The following MSI2 variants were observed in gnomAD, a reference collection of about 807,000 sequenced individuals.
MSI2 encodes the protein musashi RNA binding protein 2, also known as RNA-binding protein Musashi homolog 2.
In MSI2, 17 loss-of-function variants were observed where a neutral mutation model predicts 45.6. The observed-to-expected ratio is 0.37, with a 90% CI of 0.26 to 0.56. The LOEUF (loss-of-function observed/expected upper bound fraction) is 0.56. Among genes scored for constraint, MSI2 ranks in the 20% least tolerant of loss-of-function variants. The pLI is 0.77. For missense variants in MSI2, 293 were observed against 444.2 expected (o/e 0.66, Z 3.06); for synonymous variants, 156 against 158.2 (o/e 0.99, Z 0.11).
chr17:57,302,915 T>C lies in MSI2; in HGVS notation c.312+40723T>C, dbSNP rs115239918. ...GTTGGGGGACAGCCCCAGGCAAACA[T>C]CAACACCTAAGATAGAAACCCCAAG... On this transcript the variant is annotated intron_variant, in intron 5 of 13. Coordinates refer to ENST00000284073, the MANE Select transcript of MSI2 (RefSeq NM_138962.4). 3.8e-3 allele frequency among the ~76,000 whole-genome samples: 584 copies of C among 152,036 alleles called. 2 individuals are homozygous for C. The highest frequency in any genetic ancestry group is 0.014 in the African/African-American group (568 of 41,454).
intron 5 of MSI2, among the ~76,000 whole-genome samples, chr17:57,282,877 G>A (rs1909551209): frequency 7.6e-6 from 1 of 131,092 alleles, no homozygotes. Flanking sequence ...GAAGAGACTT[G>A]CCGTCAGGGC....
chr17:57,386,116 T>G (rs752786091), intron 5 of MSI2, among the ~76,000 whole-genome samples: 19 of 152,286 alleles, frequency 1.2e-4, no homozygotes, highest in Non-Finnish European at 1.8e-4. Context: ...CCAATGGTCT[T>G]TTTTAGATAT....
At chr17:57,617,890 G>A (rs1242748864) in intron 9 of MSI2, among the ~76,000 whole-genome samples, 3 of 152,094 alleles carry the variant, frequency 2.0e-5, no homozygotes, top group Non-Finnish European at 1.5e-5. Context: ...GGGCAACATG[G>A]TGAAACCCTG....
intron 7 of MSI2, among the ~76,000 whole-genome samples, chr17:57,554,238 A>AG (rs55697922): frequency 0.012 from 1,023 of 88,414 alleles, 4 homozygotes; most frequent in Middle Eastern, 0.017. Context: ...GGGGCGGGGG[A>AG]GGGGGGGGAT....
chr17:57,673,151 G>A (rs182853312), intron 11 of MSI2, among the ~76,000 whole-genome samples: 9 of 152,318 alleles, frequency 5.9e-5, no homozygotes, highest in South Asian at 2.1e-4. Flanking sequence ...TTGGTCTCCC[G>A]TGTATCTTTG....
chr17:57,616,295 G>A, intron 9 of MSI2: 2 of 459,844 alleles, frequency 4.3e-6, no homozygotes, highest in East Asian at 6.9e-5. Flanking sequence ...GTGTGTGTGT[G>A]TGTGTGTGTT....
At chr17:57,578,901 T>C (rs1175904425) in intron 7 of MSI2, among the ~76,000 whole-genome samples, 3 of 152,124 alleles carry the variant, frequency 2.0e-5, no homozygotes, top group Non-Finnish European at 4.4e-5. Context: ...CCAGGTACAT[T>C]TTTCCCATTG....
intron 8 of MSI2, among the ~76,000 whole-genome samples, chr17:57,604,241 G>A (rs72834922): frequency 0.12 from 18,193 of 152,232 alleles, 1,179 homozygotes; most frequent in South Asian, 0.16. Flanking sequence ...CTTAAGACTT[G>A]TAAGGGGTTT....
chr17:57,674,972 G>T lies in MSI2; in HGVS notation c.791G>T (p.Gly264Val). ...TTTGGCGCGCCCGCTTCCCCGGCAG[G>T]CTCCAACCCGGCGCGGCCCGGAGGC... ...AAAVAAARGS[G>V]SNPARPGGFP... Residue 264 changes from glycine (G) to valine (V), a missense_variant and splice_region_variant, in exon 12 of 14, where the codon GGC (glycine) becomes GTC (valine). Physicochemically the swap from Gly to Val is moderately radical, Grantham distance 109. Transcript: ENST00000284073. The T allele has an allele frequency of 1.9e-6, 3 of 1,613,156 alleles. No individual in the cohort carries two copies. Among genetic ancestry groups the T allele is most frequent in the Non-Finnish European group, 2.5e-6 (3 of 1,179,656 alleles).
chr17:57,584,405 C>T (rs2144384489), intron 7 of MSI2, among the ~76,000 whole-genome samples: 1 of 152,310 alleles, frequency 6.6e-6, no homozygotes, highest in Non-Finnish European at 1.5e-5. Flanking sequence ...ATCTGCCTGC[C>T]CGCAGACTCC....
intron 5 of MSI2, among the ~76,000 whole-genome samples, chr17:57,391,992 A>T (rs2083801333): frequency 6.6e-6 from 1 of 152,206 alleles, no homozygotes; most frequent in South Asian, 2.1e-4. Context: ...TGTGGTGAGC[A>T]CTGGGGGGCA....
At chr17:57,396,817 GCACACGGA>G (rs1419669468) in intron 5 of MSI2, among the ~76,000 whole-genome samples, 1 of 152,194 alleles carries the variant, frequency 6.6e-6, no homozygotes, top group East Asian at 1.9e-4. Context: ...ACGCACACAT[GCACACGGA>G]CACCTCCTGC....
At chr17:57,421,156 A>T (rs987007751) in intron 6 of MSI2, among the ~76,000 whole-genome samples, 1 of 151,662 alleles carries the variant, frequency 6.6e-6, no homozygotes, top group Admixed American at 6.6e-5. Context: ...ACTTTTTATG[A>T]TGTCGGTGGA....
chr17:57,415,747 G>A (rs1598240618), intron 6 of MSI2, among the ~76,000 whole-genome samples: 1 of 151,638 alleles, frequency 6.6e-6, no homozygotes, highest in East Asian at 1.9e-4. Flanking sequence ...TCTGCACAAA[G>A]CCCTCTCTGT....
At chr17:57,390,423 C>T (rs935665921) in intron 5 of MSI2, among the ~76,000 whole-genome samples, 1 of 152,098 alleles carries the variant, frequency 6.6e-6, no homozygotes, top group Non-Finnish European at 1.5e-5. Context: ...AGGGTGGGGC[C>T]CAGGTATCAG....
At chr17:57,544,256 T>A (rs926719311) in intron 7 of MSI2, among the ~76,000 whole-genome samples, 1 of 152,156 alleles carries the variant, frequency 6.6e-6, no homozygotes, top group African/African-American at 2.4e-5. Flanking sequence ...CTGCCCCTGT[T>A]TTATTTTGCT....
chr17:57,329,830 A>C (rs1293755347), intron 5 of MSI2, among the ~76,000 whole-genome samples: 1 of 152,182 alleles, frequency 6.6e-6, no homozygotes, highest in Non-Finnish European at 1.5e-5. Context: ...CCTGGGAAAA[A>C]CTGCCTGTCC....
At chr17:57,318,301 CTCTGTG>C (rs1262634007) in intron 5 of MSI2, among the ~76,000 whole-genome samples, 2 of 151,934 alleles carry the variant, frequency 1.3e-5, no homozygotes. Context: ...TGTTGATGGA[CTCTGTG>C]CTCTGAGTGC....
At chr17:57,268,907 G>A (rs903734103) in intron 5 of MSI2, among the ~76,000 whole-genome samples, 4 of 152,096 alleles carry the variant, frequency 2.6e-5, no homozygotes, top group African/African-American at 9.7e-5. Context: ...TGTACATCGT[G>A]GACTTCCATT....
Sources: allele counts gnomAD v4.1 joint callset (sites outside exome capture counted in the v4.1 genomes callset), GRCh38; gene constraint gnomAD v4.1.1; transcripts MANE v1.5; gene names NCBI Gene and HGNC (gene_info 2026-07-23, HGNC 2026-07-21).